The following ZFHX3 variants were observed in gnomAD, a reference collection of about 807,000 sequenced individuals.
The protein encoded by ZFHX3 is zinc finger homeobox 3.
In ZFHX3, 42 loss-of-function variants were observed where a neutral mutation model predicts 279.1. The ratio of observed to expected loss-of-function variants is 0.15; its 90% CI spans 0.12 to 0.19. ZFHX3 has a LOEUF of 0.19. Ranked by LOEUF, ZFHX3 falls within the 10% of genes least tolerant of loss-of-function variation. The pLI is 1.00. For missense variants in ZFHX3, 4,981 were observed against 4,754.0 expected (o/e 1.05, Z -1.40); for synonymous variants, 2,293 against 1,957.8 (o/e 1.17, Z -4.52).
chr16:73,020,406 C>A (rs1463045028), intron 1 of ZFHX3, among the ~76,000 whole-genome samples: 2 of 152,250 alleles, frequency 1.3e-5, no homozygotes, highest in African/African-American at 4.8e-5. Flanking sequence ...AATTTCCCAA[C>A]AAAAGCTCTC....
chr16:73,454,275 C>G (rs1371362631), intron 3 of ZFHX3, among the ~76,000 whole-genome samples: 1 of 152,130 alleles, frequency 6.6e-6, no homozygotes, highest in Non-Finnish European at 1.5e-5. Flanking sequence ...GTACCCATGA[C>G]ATTTTATTCT....
intron 3 of ZFHX3, among the ~76,000 whole-genome samples, chr16:73,435,783 T>A (rs886371641): frequency 7.2e-5 from 11 of 152,190 alleles, no homozygotes; most frequent in Non-Finnish European, 1.6e-4. Context: ...TCACAGGTAC[T>A]CACCAATGAG....
rs578193050 is a variant in ZFHX3, at chr16:73,271,634, G to A, written c.-1193-14498C>T. On this transcript the variant is annotated intron_variant, in intron 4 of 17. Transcript: ENST00000641206. ...AATGGGGATGATAATAGGAACAGCT[G>A]TATAGCTTTCAAATGAAGATGAAAC... Among the ~76,000 whole-genome samples, 22 of 152,350 alleles carry A rather than the reference G, an allele frequency of 1.4e-4. No homozygotes were observed. In the East Asian group the frequency reaches 3.3e-3, roughly 23 times the overall value.
At chr16:73,859,951 A>G (rs1271129489) in intron 1 of ZFHX3, among the ~76,000 whole-genome samples, 1 of 152,170 alleles carries the variant, frequency 6.6e-6, no homozygotes, top group Non-Finnish European at 1.5e-5. Context: ...GACAAACACC[A>G]AGAGACAGGC....
intron 3 of ZFHX3, among the ~76,000 whole-genome samples, chr16:72,909,629 C>T (rs1457293702): frequency 3.9e-5 from 6 of 152,128 alleles, no homozygotes; most frequent in Non-Finnish European, 7.3e-5. Context: ...ATAATCCCAG[C>T]ACTTTGGGAG....
intron 3 of ZFHX3, among the ~76,000 whole-genome samples, chr16:72,903,065 A>C (rs929969063): frequency 3.3e-5 from 5 of 150,384 alleles, no homozygotes; most frequent in Non-Finnish European, 7.5e-5. Flanking sequence ...CAGGATAACC[A>C]GAGAGGGCTC....
chr16:72,895,126 C>T (rs182888200), intron 3 of ZFHX3, among the ~76,000 whole-genome samples: 16 of 152,316 alleles, frequency 1.1e-4, no homozygotes, highest in Admixed American at 5.2e-4. Flanking sequence ...TGCATGCACG[C>T]GCACACACAT....
intron 1 of ZFHX3, among the ~76,000 whole-genome samples, chr16:73,830,135 AGC>A (rs1177679784): frequency 7.6e-6 from 1 of 131,230 alleles, no homozygotes; most frequent in Admixed American, 7.8e-5. Flanking sequence ...CGGTCTGAAA[AGC>A]GCAATATTCG....
rs759347481 is a variant in ZFHX3, at chr16:72,795,241, G to A, written c.7441C>T (p.Pro2481Ser). The A allele has an allele frequency of 1.9e-5, 30 of 1,610,612 alleles. No individual in the cohort carries two copies. Among genetic ancestry groups the A allele is most frequent in the South Asian group, 1.7e-4 (15 of 90,700 alleles). ...GGGGGCGCTTGTGGAGGAGGCTGTG[G>A]CAACGAAGGCAGGGACACCAGCTGG... ...LPQLVSLPSL[P>S]QPPPQAPPPQ... The change falls in exon 9 of 10, where the codon CCA becomes TCA. Residue 2481 changes from proline to serine, a missense_variant. Pro to Ser is a moderately conservative substitution (Grantham distance 74, BLOSUM62 -1). Transcript: ENST00000268489.
intron 5 of ZFHX3, chr16:73,144,305 C>T (rs1420458346): frequency 6.5e-6 from 1 of 153,486 alleles, no homozygotes; most frequent in African/African-American, 2.4e-5. Flanking sequence ...CTACTGAACA[C>T]TTGCCTCGTT....
At chr16:73,099,183 C>G (rs1966201442) in intron 7 of ZFHX3, 1 of 152,052 alleles carries the variant, frequency 6.6e-6, no homozygotes, top group South Asian at 2.1e-4. Context: ...CTGAAATAAT[C>G]TCTTGGATAT....
intron 1 of ZFHX3, among the ~76,000 whole-genome samples, chr16:73,857,780 G>A (rs1406106546): frequency 6.6e-6 from 1 of 152,156 alleles, no homozygotes; most frequent in Non-Finnish European, 1.5e-5. Context: ...GGTAGAGGCT[G>A]ATCCTCATTT....
chr16:73,789,797 G>A (rs17329095), intron 1 of ZFHX3, among the ~76,000 whole-genome samples: 20,849 of 151,908 alleles, frequency 0.14, 1,839 homozygotes, highest in Non-Finnish European at 0.2. Flanking sequence ...CTCAAGCCCC[G>A]GGCTACATAA....
At position 73,209,041 on chromosome 16, in the gene ZFHX3, A is replaced by G. The variant is rs961595085; in HGVS notation, c.-1104+48006T>C. Among the ~76,000 whole-genome samples the G allele has an allele frequency of 3.9e-5, 6 of 152,312 alleles. No homozygotes were observed. In the Middle Eastern group the frequency reaches 0.01, roughly 259 times the overall value. On this transcript the variant is annotated intron_variant, in intron 5 of 17. Transcript: ENST00000641206. ...GTTCAACCCAATATATGAGGAAGAA[A>G]TGGCCACTTATAAAATTAATTATCA...
intron 1 of ZFHX3, among the ~76,000 whole-genome samples, chr16:73,748,778 C>T (rs380958): frequency 0.069 from 10,497 of 152,082 alleles, 468 homozygotes; most frequent in African/African-American, 0.12. Context: ...CCAAACTCAC[C>T]TTTCTTTTAT....
chr16:72,861,871 C>T (rs866936781), intron 4 of ZFHX3, among the ~76,000 whole-genome samples: 1 of 151,974 alleles, frequency 6.6e-6, no homozygotes, highest in Non-Finnish European at 1.5e-5. Flanking sequence ...AAAAATTAGC[C>T]GGGTGTGGTG....
Position 72,797,250 on chromosome 16 carries a change from G to C in ZFHX3, c.5432C>G (p.Pro1811Arg), listed in dbSNP as rs1480302810. 1.9e-6 allele frequency: 3 copies of C among 1,613,552 alleles called. No homozygotes were observed. In the Admixed American group the frequency reaches 5.0e-5, roughly 27 times the overall value. ...YIPSAEFQLN[P>R]EVSLPVTSGA... ...ACTGGTCACTGGCAAGCTCACCTCG[G>C]GGTTAAGCTGGAACTCAGCACTGGG... The change falls in exon 9 of 10, where the codon CCC (proline) becomes CGC (arginine). Residue 1811 changes from proline to arginine, a missense_variant. Pro to Arg is a moderately radical substitution (Grantham distance 103). Around this residue, in one of 7 missense-constraint regions of ZFHX3, gnomAD observed 1,751 missense variants for 1,770.0 expected, o/e 0.99. Coordinates refer to ENST00000268489, the MANE Select transcript of ZFHX3 (RefSeq NM_006885.4).
chr16:73,579,056 A>T (rs1163318920), intron 2 of ZFHX3, among the ~76,000 whole-genome samples: 1 of 152,172 alleles, frequency 6.6e-6, no homozygotes, highest in Non-Finnish European at 1.5e-5. Context: ...AAACATTTAC[A>T]ATCTATTCTC....
chr16:72,912,847 C>G (rs1157463817), intron 3 of ZFHX3, among the ~76,000 whole-genome samples: 1 of 152,182 alleles, frequency 6.6e-6, no homozygotes, highest in African/African-American at 2.4e-5. Flanking sequence ...GCCTCAGTCT[C>G]CCAAGTAGCT....
Sources: gnomAD v4.1 joint callset for allele counts (sites outside exome capture counted in the v4.1 genomes callset) on GRCh38, gnomAD v4.1.1 for gene constraint, gnomAD v4.1.1 regional missense constraint, MANE v1.5 for transcripts, NCBI Gene and HGNC (gene_info 2026-07-23, HGNC 2026-07-21) for gene names.